DOCK4: variants seen among roughly 807,000 people sequenced by gnomAD.
DOCK4 encodes the protein dedicator of cytokinesis 4, also known as dedicator of cytokinesis protein 4.
Under a neutral mutation model 268.1 loss-of-function variants are expected in DOCK4, and 97 were observed. That is an observed-to-expected ratio of 0.36 (90% CI 0.31 to 0.43). The LOEUF (loss-of-function observed/expected upper bound fraction) is 0.43. Among genes scored for constraint, DOCK4 ranks in the 20% least tolerant of loss-of-function variants. DOCK4 has a pLI of 1.00. For missense variants in DOCK4, 2,145 were observed against 2,455.7 expected (o/e 0.87, Z 2.67); for synonymous variants, 954 against 887.2 (o/e 1.08, Z -1.34).
At chr7:111,748,344 T>C (rs999718761) in intron 42 of DOCK4, among the ~76,000 whole-genome samples, 11 of 152,180 alleles carry the variant, frequency 7.2e-5, no homozygotes, top group South Asian at 4.1e-4. Context: ...AGCAAGAACA[T>C]AGAAGATTTT....
chr7:111,751,785 G>T (rs1179144209), intron 42 of DOCK4, among the ~76,000 whole-genome samples: 15 of 151,906 alleles, frequency 9.9e-5, no homozygotes, highest in Admixed American at 7.2e-4. Flanking sequence ...AGAGGGTTGA[G>T]ACTGTCACCG....
At chr7:112,057,128 T>G (rs1158659206) in intron 1 of DOCK4, among the ~76,000 whole-genome samples, 3 of 152,044 alleles carry the variant, frequency 2.0e-5, no homozygotes, top group African/African-American at 7.2e-5. Flanking sequence ...TAATGGAGCA[T>G]ATTTGCTGGG....
chr7:111,729,632 C>T (rs1035483024), intron 52 of DOCK4, among the ~76,000 whole-genome samples: 2 of 152,142 alleles, frequency 1.3e-5, no homozygotes, highest in South Asian at 2.1e-4. Flanking sequence ...TGGCCAAAAA[C>T]CCCAAAAACC....
intron 49 of DOCK4, among the ~76,000 whole-genome samples, chr7:111,738,807 G>A (rs538358286): frequency 6.6e-6 from 1 of 152,222 alleles, no homozygotes; most frequent in South Asian, 2.1e-4. Context: ...GTGTGGTGGT[G>A]GGCACCTATA....
At chr7:112,071,309 T>C (rs1807562694) in intron 1 of DOCK4, among the ~76,000 whole-genome samples, 1 of 152,192 alleles carries the variant, frequency 6.6e-6, no homozygotes, top group Non-Finnish European at 1.5e-5. Context: ...TAATTATTAC[T>C]TCATTTCTCC....
chr7:111,734,202 A>G (rs1795310933), intron 51 of DOCK4, among the ~76,000 whole-genome samples: 1 of 151,472 alleles, frequency 6.6e-6, no homozygotes, highest in African/African-American at 2.4e-5. Flanking sequence ...TTGGCCTCCC[A>G]AAGTGCTGGG....
chr7:112,044,541 C>T (rs2135523254), intron 1 of DOCK4, among the ~76,000 whole-genome samples: 1 of 152,226 alleles, frequency 6.6e-6, no homozygotes, highest in Non-Finnish European at 1.5e-5. Flanking sequence ...ACTCTAAACT[C>T]ATAAATCCAA....
intron 1 of DOCK4, among the ~76,000 whole-genome samples, chr7:112,080,334 T>C (rs1808465773): frequency 6.6e-6 from 1 of 152,186 alleles, no homozygotes; most frequent in Non-Finnish European, 1.5e-5. Flanking sequence ...CTGGGTATCC[T>C]ATAATTTATT....
intron 12 of DOCK4, among the ~76,000 whole-genome samples, chr7:111,920,220 T>C (rs568359709): frequency 5.9e-5 from 9 of 152,228 alleles, no homozygotes; most frequent in East Asian, 5.8e-4. Context: ...TAGAGAGCTA[T>C]TGTATAGCAT....
chr7:111,852,744 T>C (rs1433765522), intron 23 of DOCK4, among the ~76,000 whole-genome samples: 1 of 152,216 alleles, frequency 6.6e-6, no homozygotes, highest in African/African-American at 2.4e-5. Context: ...AGCTTGCAGA[T>C]TTGCTTTTTC....
At chr7:112,133,730 C>T (rs533917082) in intron 1 of DOCK4, among the ~76,000 whole-genome samples, 2 of 152,128 alleles carry the variant, frequency 1.3e-5, no homozygotes, top group East Asian at 1.9e-4. Context: ...AAAAAAAATA[C>T]GTAAATAGAA....
chr7:112,102,039 A>G (rs1015168725), intron 1 of DOCK4, among the ~76,000 whole-genome samples: 1 of 152,034 alleles, frequency 6.6e-6, no homozygotes, highest in African/African-American at 2.4e-5. Context: ...TCACCATGTT[A>G]GCAAGGATGG....
intron 1 of DOCK4, among the ~76,000 whole-genome samples, chr7:112,039,898 C>T (rs569119134): frequency 3.7e-4 from 56 of 152,266 alleles, no homozygotes; most frequent in Admixed American, 2.6e-4. Flanking sequence ...TATACTCGTG[C>T]TTGGCCTCAG....
intron 1 of DOCK4, among the ~76,000 whole-genome samples, chr7:112,025,888 A>G (rs1802742268): frequency 6.6e-6 from 1 of 151,924 alleles, no homozygotes; most frequent in Admixed American, 6.6e-5. Context: ...CTCCACCATA[A>G]AGCCTTCCCT....
chr7:112,013,495 T>C (rs1477440117), intron 1 of DOCK4, among the ~76,000 whole-genome samples: 1 of 152,208 alleles, frequency 6.6e-6, no homozygotes, highest in Non-Finnish European at 1.5e-5. Context: ...ATCTAGCTCC[T>C]GCATAGTTTT....
chr7:112,042,705 G>A (rs1230070031), intron 1 of DOCK4, among the ~76,000 whole-genome samples: 1 of 152,254 alleles, frequency 6.6e-6, no homozygotes, highest in African/African-American at 2.4e-5. Flanking sequence ...CTTCAAGGTT[G>A]ACACTTAGCA....
intron 1 of DOCK4, among the ~76,000 whole-genome samples, chr7:112,184,125 T>C (rs1819286502): frequency 6.6e-6 from 1 of 152,194 alleles, no homozygotes; most frequent in South Asian, 2.1e-4. Flanking sequence ...CCACAGCCCC[T>C]GCACGTGCCT....
chr7:111,893,126 T>G (rs142164273), intron 16 of DOCK4, among the ~76,000 whole-genome samples: 10 of 152,294 alleles, frequency 6.6e-5, no homozygotes, highest in African/African-American at 2.4e-4. Flanking sequence ...TACAACTGAG[T>G]CAAAGTCCTA....
intron 26 of DOCK4, among the ~76,000 whole-genome samples, chr7:111,825,466 T>C (rs1802322738): frequency 6.6e-6 from 1 of 152,104 alleles, no homozygotes; most frequent in Non-Finnish European, 1.5e-5. Flanking sequence ...ACTAAATATG[T>C]GTTTTTGCAT....
Sources: gnomAD v4.1 joint callset for allele counts (sites outside exome capture counted in the v4.1 genomes callset) on GRCh38, gnomAD v4.1.1 for gene constraint, MANE v1.5 for transcripts, NCBI Gene and HGNC (gene_info 2026-07-23, HGNC 2026-07-21) for gene names.